CTNNA2: variants seen among roughly 807,000 people sequenced by gnomAD.
CTNNA2 encodes the protein catenin alpha 2, also known as catenin alpha-2.
CTNNA2 carries 42 observed loss-of-function variants against 101.0 expected under a neutral mutation model. The observed-to-expected ratio is 0.42, with a 90% CI of 0.32 to 0.54. CTNNA2 has a LOEUF of 0.54. CTNNA2 is among the 20% of genes least tolerant of loss of function. CTNNA2 has a pLI of 0.14. For missense variants in CTNNA2, 871 were observed against 1,223.1 expected (o/e 0.71, Z 4.29); for synonymous variants, 450 against 456.4 (o/e 0.99, Z 0.18).
rs527560784 is a variant in CTNNA2, at chr2:80,544,508, T to G, written c.1291-474T>G. ...GAGTTGGCTATTAGTGGACTAAAAT[T>G]TTCAGGCAGATCGGGTATTTTGGGG... On this transcript the variant is annotated intron_variant, in intron 9 of 18. Transcript: ENST00000402739. Among the ~76,000 whole-genome samples the G allele has an allele frequency of 5.9e-5, 9 of 152,230 alleles. No individual in the cohort carries two copies. The South Asian group carries it at 1.7e-3, about 28-fold the overall frequency.
chr2:79,693,658 C>T (rs975766631), intron 2 of CTNNA2, among the ~76,000 whole-genome samples: 2 of 151,896 alleles, frequency 1.3e-5, no homozygotes, highest in Non-Finnish European at 2.9e-5. Context: ...GGACCTCAGG[C>T]ACTTGATCAA....
At chr2:79,229,629 T>C (rs543613467) in intron 2 of CTNNA2, among the ~76,000 whole-genome samples, 2 of 152,290 alleles carry the variant, frequency 1.3e-5, no homozygotes, top group African/African-American at 4.8e-5. Context: ...GGGGCATTGC[T>C]GAAAAGATAC....
At chr2:79,409,775 T>G (rs1431551296) in intron 4 of CTNNA2, among the ~76,000 whole-genome samples, 26 of 146,508 alleles carry the variant, frequency 1.8e-4, no homozygotes, top group Non-Finnish European at 3.2e-4. Context: ...ATTGACTTGG[T>G]GATGCGGGCT....
At chr2:79,527,201 A>C (rs947944459) in intron 1 of CTNNA2, among the ~76,000 whole-genome samples, 8 of 152,112 alleles carry the variant, frequency 5.3e-5, no homozygotes, top group African/African-American at 1.4e-4. Flanking sequence ...AAATGGACAA[A>C]GGACTAGAAT....
chr2:80,447,849 A>C (rs1683195889), intron 9 of CTNNA2, among the ~76,000 whole-genome samples: 1 of 152,218 alleles, frequency 6.6e-6, no homozygotes, highest in Non-Finnish European at 1.5e-5. Context: ...TTTAGGGATG[A>C]AGATGAGGTA....
At chr2:79,322,007 T>A (rs2104410108) in intron 3 of CTNNA2, among the ~76,000 whole-genome samples, 1 of 152,312 alleles carries the variant, frequency 6.6e-6, no homozygotes, top group African/African-American at 2.4e-5. Flanking sequence ...CTTTAGTCTT[T>A]TTATTTATAA....
chr2:79,282,008 T>G (rs1242776506), intron 2 of CTNNA2, among the ~76,000 whole-genome samples: 1 of 152,164 alleles, frequency 6.6e-6, no homozygotes, highest in Non-Finnish European at 1.5e-5. Context: ...AATAAAAGTA[T>G]GAATAATAAC....
chr2:80,446,079 G>A (rs1416100039), intron 9 of CTNNA2, among the ~76,000 whole-genome samples: 1 of 152,154 alleles, frequency 6.6e-6, no homozygotes, highest in Non-Finnish European at 1.5e-5. Flanking sequence ...AATGTATGGT[G>A]GTAGAGGCAA....
chr2:79,805,013 G>T (rs1676459387), intron 3 of CTNNA2, among the ~76,000 whole-genome samples: 1 of 152,156 alleles, frequency 6.6e-6, no homozygotes, highest in Non-Finnish European at 1.5e-5. Flanking sequence ...AAGGAGCTGG[G>T]TTGTATATAG....
intron 7 of CTNNA2, among the ~76,000 whole-genome samples, chr2:80,209,321 C>T (rs1403509200): frequency 2.0e-5 from 3 of 151,800 alleles, no homozygotes; most frequent in South Asian, 2.1e-4. Context: ...TCTGCCTCAG[C>T]CTCCTGACTA....
At chr2:80,582,777 G>A (rs114261693) in intron 14 of CTNNA2, among the ~76,000 whole-genome samples, 1,629 of 152,224 alleles carry the variant, frequency 0.011, 29 homozygotes, top group African/African-American at 0.036. Flanking sequence ...AAAGCAAGAG[G>A]TTGAGAAAGA....
intron 2 of CTNNA2, among the ~76,000 whole-genome samples, chr2:79,297,215 C>T (rs571511797): frequency 5.3e-5 from 8 of 151,894 alleles, no homozygotes; most frequent in Non-Finnish European, 1.2e-4. Flanking sequence ...TTGACAACAA[C>T]CTGTCCTCAG....
intron 1 of CTNNA2, among the ~76,000 whole-genome samples, chr2:79,580,190 G>A (rs1001875461): frequency 1.3e-5 from 2 of 152,078 alleles, no homozygotes; most frequent in African/African-American, 2.4e-5. Context: ...ATGGGAGATT[G>A]TCCTGTATTA....
chr2:79,430,241 G>A (rs1280389711), intron 4 of CTNNA2, among the ~76,000 whole-genome samples: 3 of 152,092 alleles, frequency 2.0e-5, no homozygotes, highest in Admixed American at 2.0e-4. Context: ...TTGTCCAAAT[G>A]TTCTTGCTTC....
chr2:79,975,221 G>A (rs1690750741), intron 7 of CTNNA2, among the ~76,000 whole-genome samples: 3 of 152,142 alleles, frequency 2.0e-5, no homozygotes, highest in Admixed American at 2.0e-4. Flanking sequence ...TCATTCCAGT[G>A]GAACTTGGTC....
chr2:80,620,895 C>T (rs1427759703), intron 18 of CTNNA2, among the ~76,000 whole-genome samples: 1 of 151,934 alleles, frequency 6.6e-6, no homozygotes, highest in Non-Finnish European at 1.5e-5. Flanking sequence ...TGTGCAAATT[C>T]AGAGAGTCTA....
intron 16 of CTNNA2, among the ~76,000 whole-genome samples, chr2:80,607,504 C>T (rs531251118): frequency 2.6e-5 from 4 of 151,804 alleles, no homozygotes; most frequent in South Asian, 2.1e-4. Flanking sequence ...GAGTTGACTC[C>T]GGTGCGTCCA....
At chr2:79,342,409 C>G (rs1677158177) in intron 3 of CTNNA2, among the ~76,000 whole-genome samples, 1 of 152,128 alleles carries the variant, frequency 6.6e-6, no homozygotes, top group Admixed American at 6.5e-5. Flanking sequence ...TGCTATGGGT[C>G]TTGACTAGGG....
intron 2 of CTNNA2, among the ~76,000 whole-genome samples, chr2:79,267,006 T>A (rs910989417): frequency 5.3e-5 from 8 of 152,126 alleles, no homozygotes; most frequent in African/African-American, 1.7e-4. Flanking sequence ...AGAAGGCTAA[T>A]TCATATCCTC....
Sources: allele counts gnomAD v4.1 joint callset (sites outside exome capture counted in the v4.1 genomes callset), GRCh38; gene constraint gnomAD v4.1.1; transcripts MANE v1.5; gene names NCBI Gene and HGNC (gene_info 2026-07-23, HGNC 2026-07-21).